The following HS3ST4 variants were observed in gnomAD, a reference collection of about 807,000 sequenced individuals.
HS3ST4 encodes heparan sulfate glucosamine 3-O-sulfotransferase 4.
HS3ST4 carries 17 observed loss-of-function variants against 29.2 expected under a neutral mutation model. The ratio of observed to expected loss-of-function variants is 0.58; its 90% CI spans 0.40 to 0.87. The LOEUF (loss-of-function observed/expected upper bound fraction) is 0.87, where lower values mean the gene tolerates loss of function less well. Among genes scored for constraint, HS3ST4 ranks in the 40% least tolerant of loss-of-function variants. HS3ST4 has a pLI of 0.00. For missense variants in HS3ST4, 627 were observed against 634.5 expected (o/e 0.99, Z 0.13); for synonymous variants, 314 against 285.7 (o/e 1.10, Z -1.00).
intron 1 of HS3ST4, among the ~76,000 whole-genome samples, chr16:25,841,413 A>G (rs905368118): frequency 6.6e-6 from 1 of 151,910 alleles, no homozygotes; most frequent in African/African-American, 2.4e-5. Flanking sequence ...GGATCCTCCC[A>G]CTTCAGCCTC....
chr16:25,898,938 C>T (rs919922722), intron 1 of HS3ST4, among the ~76,000 whole-genome samples: 4 of 152,220 alleles, frequency 2.6e-5, no homozygotes, highest in Admixed American at 6.5e-5. Flanking sequence ...AAATGCTCTC[C>T]TATTCGCTAA....
chr16:25,955,332 A>G (rs1315425567), intron 1 of HS3ST4, among the ~76,000 whole-genome samples: 1 of 152,168 alleles, frequency 6.6e-6, no homozygotes, highest in Non-Finnish European at 1.5e-5. Context: ...AATGTCCTAA[A>G]GGTGCAATAA....
rs1363678852 is a variant in HS3ST4 at position 26,134,353 on chromosome 16, TTTTCTTTTC to T, written c.735-1255_735-1247del. ...TTTTCTTTTCTTTTCTTTTCTTTTCTTTTCTTTTCTTTTTTTTTTTTTTGATTGAGATGG... is the reference window on the plus strand; with the variant it reads ...TTTTCTTTTCTTTTCTTTTCTTTTCTTTTTTTTTTTTTTTGATTGAGATGG... On this transcript the variant is annotated intron_variant, in intron 1 of 1. Coordinates refer to ENST00000331351, the MANE Select transcript of HS3ST4 (RefSeq NM_006040.3). Among the ~76,000 whole-genome samples, 1,028 of 115,070 alleles carry T rather than the reference TTTTCTTTTC, an allele frequency of 8.9e-3. 17 individuals carry two copies. Among genetic ancestry groups the T allele is most frequent in the East Asian group, 0.076 (319 of 4,174 alleles). The allele number at this position is 115,070 out of a possible 152,430, so 75.5% of individuals were successfully genotyped here.
intron 1 of HS3ST4, among the ~76,000 whole-genome samples, chr16:26,093,669 A>G (rs1372701733): frequency 6.6e-6 from 1 of 152,238 alleles, no homozygotes; most frequent in Non-Finnish European, 1.5e-5. Flanking sequence ...ACCACAGCAG[A>G]AAAGCTGAAA....
intron 1 of HS3ST4, among the ~76,000 whole-genome samples, chr16:25,819,877 G>T (rs779253639): frequency 7.9e-5 from 12 of 151,338 alleles, no homozygotes; most frequent in Non-Finnish European, 1.3e-4. Context: ...CGGGAATGGT[G>T]GTGGGCGCCT....
chr16:25,833,280 T>C (rs970609799), intron 1 of HS3ST4, among the ~76,000 whole-genome samples: 3 of 152,090 alleles, frequency 2.0e-5, no homozygotes, highest in Admixed American at 1.3e-4. Flanking sequence ...TATTGATCAA[T>C]TGGAAAAAGA....
intron 1 of HS3ST4, among the ~76,000 whole-genome samples, chr16:25,923,091 T>C (rs1221860474): frequency 6.6e-6 from 1 of 152,234 alleles, no homozygotes; most frequent in African/African-American, 2.4e-5. Flanking sequence ...GTTTACCAAC[T>C]TGTTTTTATT....
chr16:25,919,321 C>T (rs1258962387), intron 1 of HS3ST4, among the ~76,000 whole-genome samples: 1 of 152,142 alleles, frequency 6.6e-6, no homozygotes, highest in African/African-American at 2.4e-5. Flanking sequence ...AGAGCCACTG[C>T]ACTCAGCCAG....
intron 1 of HS3ST4, among the ~76,000 whole-genome samples, chr16:25,869,928 C>A (rs1001354683): frequency 6.6e-6 from 1 of 152,168 alleles, no homozygotes. Flanking sequence ...GGTTAAGTAA[C>A]TTGGCCAAGA....
At chr16:25,942,175 A>C (rs1215729453) in intron 1 of HS3ST4, among the ~76,000 whole-genome samples, 2 of 152,166 alleles carry the variant, frequency 1.3e-5, no homozygotes, top group African/African-American at 4.8e-5. Context: ...TTCAGAACTC[A>C]AGCATGTTGT....
chr16:25,729,174 G>A (rs1457734921), intron 1 of HS3ST4, among the ~76,000 whole-genome samples: 7 of 152,110 alleles, frequency 4.6e-5, no homozygotes, highest in African/African-American at 9.7e-5. Flanking sequence ...CTCAGGAGCC[G>A]GGCTAAGAGT....
intron 1 of HS3ST4, among the ~76,000 whole-genome samples, chr16:25,894,258 A>G (rs1359690495): frequency 6.6e-6 from 1 of 152,148 alleles, no homozygotes; most frequent in Admixed American, 6.5e-5. Flanking sequence ...TTACAGGAGC[A>G]ATTTCTTAGT....
chr16:26,113,394 C>T (rs1209141164), intron 1 of HS3ST4, among the ~76,000 whole-genome samples: 3 of 147,738 alleles, frequency 2.0e-5, no homozygotes, highest in Admixed American at 6.8e-5. Context: ...TGCAGTGAGC[C>T]GAGATCACGC....
chr16:25,942,995 A>T (rs182424810), intron 1 of HS3ST4, among the ~76,000 whole-genome samples: 2 of 152,200 alleles, frequency 1.3e-5, no homozygotes, highest in African/African-American at 4.8e-5. Context: ...AAACGTTAAT[A>T]AACCAAGCAG....
At chr16:25,914,961 T>A (rs2141680080) in intron 1 of HS3ST4, among the ~76,000 whole-genome samples, 1 of 152,274 alleles carries the variant, frequency 6.6e-6, no homozygotes, top group South Asian at 2.1e-4. Flanking sequence ...TTTCTGAACC[T>A]TAGCACCATC....
intron 1 of HS3ST4, among the ~76,000 whole-genome samples, chr16:25,899,692 T>C (rs989631991): frequency 3.3e-5 from 5 of 151,902 alleles, no homozygotes; most frequent in African/African-American, 1.2e-4. Flanking sequence ...TTTGGTATTT[T>C]TAGTAGAGAT....
rs117722577 is a variant in HS3ST4 at position 25,947,600 on chromosome 16, C to T, written c.735-188012C>T. 2.5e-3 allele frequency among the ~76,000 whole-genome samples: 387 copies of T among 152,198 alleles called. 14 individuals are homozygous for T. In the East Asian group the frequency reaches 0.056, roughly 22 times the overall value. ...ATAAGCAGCCAAGCCAAACCACAAA[C>T]GCCCATTTATAGTCTCTGCTCATGT... On this transcript the variant is annotated intron_variant, in intron 1 of 1. Coordinates refer to ENST00000331351, the MANE Select transcript of HS3ST4 (RefSeq NM_006040.3).
chr16:25,955,703 G>C (rs922709420), intron 1 of HS3ST4, among the ~76,000 whole-genome samples: 1 of 152,018 alleles, frequency 6.6e-6, no homozygotes, highest in Non-Finnish European at 1.5e-5. Context: ...GGAGTGGTTG[G>C]TGTGTTTTAG....
intron 1 of HS3ST4, among the ~76,000 whole-genome samples, chr16:25,899,450 C>G (rs1206197202): frequency 2.0e-5 from 3 of 152,216 alleles, no homozygotes; most frequent in African/African-American, 7.2e-5. Context: ...GCCTATGACC[C>G]AGTTCTGTCC....
Sources: allele counts gnomAD v4.1 joint callset (sites outside exome capture counted in the v4.1 genomes callset), GRCh38; gene constraint gnomAD v4.1.1; transcripts MANE v1.5; gene names NCBI Gene and HGNC (gene_info 2026-07-23, HGNC 2026-07-21).